NDUFAF2: variants seen among roughly 807,000 people sequenced by gnomAD.
NDUFAF2 encodes NADH dehydrogenase [ubiquinone] 1 alpha subcomplex assembly factor 2.
A neutral mutation model predicts 22.8 loss-of-function variants in NDUFAF2; 13 were observed. That is an observed-to-expected ratio of 0.57 (90% CI 0.37 to 0.91). The LOEUF is 0.91. Among genes scored for constraint, NDUFAF2 ranks in the 40% least tolerant of loss-of-function variants. NDUFAF2 has a pLI of 0.01. For synonymous variants in NDUFAF2, 53 were observed against 64.2 expected, an observed-to-expected ratio of 0.83 and a Z score of 0.84; for missense variants, 162 against 195.2, an observed-to-expected ratio of 0.83 and a Z score of 1.01.
intron 3 of NDUFAF2, among the ~76,000 whole-genome samples, chr5:61,145,257 G>A (rs1741121854): frequency 6.6e-6 from 1 of 152,062 alleles, no homozygotes; most frequent in Non-Finnish European, 1.5e-5. Context: ...CAACCTTTTG[G>A]GGGCTTAAGT....
chr5:61,101,403 C>T (rs942962268), intron 3 of NDUFAF2, among the ~76,000 whole-genome samples: 2 of 152,112 alleles, frequency 1.3e-5, no homozygotes, highest in South Asian at 2.1e-4. Context: ...TTGTCCATTT[C>T]GTAAAAACTT....
At position 61,101,485 on chromosome 5, in the gene NDUFAF2, A is replaced by G. The variant is rs573621353; in HGVS notation, c.258+2453A>G. Among the ~76,000 whole-genome samples the G allele has an allele frequency of 1.8e-3, 270 of 152,252 alleles. 3 individuals carry two copies. Among genetic ancestry groups the G allele is most frequent in the Middle Eastern group, 0.01 (3 of 294 alleles). ...CTTCCTTAGAAATTTATGTGTTAAA[A>G]TACCCAGCCCAGTTGGCCTACAGAA... On this transcript the variant is annotated intron_variant, in intron 3 of 3. Coordinates refer to ENST00000296597, the MANE Select transcript of NDUFAF2 (RefSeq NM_174889.5).
At chr5:60,991,872 G>A (rs1434799614) in intron 1 of NDUFAF2, among the ~76,000 whole-genome samples, 1 of 152,138 alleles carries the variant, frequency 6.6e-6, no homozygotes, top group African/African-American at 2.4e-5. Context: ...GGAATCTCCA[G>A]ACTGTTCTCC....
intron 3 of NDUFAF2, among the ~76,000 whole-genome samples, chr5:61,107,921 G>A (rs1426858052): frequency 6.7e-6 from 1 of 148,330 alleles, no homozygotes; most frequent in East Asian, 2.0e-4. Flanking sequence ...GCGGTGTTTG[G>A]TTTTTTGTTC....
chr5:61,037,995 T>A (rs1409058953), intron 1 of NDUFAF2, among the ~76,000 whole-genome samples: 1 of 147,956 alleles, frequency 6.8e-6, no homozygotes, highest in Non-Finnish European at 1.5e-5. Context: ...AGGAAAGACA[T>A]GACAGCATGA....
At chr5:61,054,019 C>T (rs1752057535) in intron 1 of NDUFAF2, among the ~76,000 whole-genome samples, 1 of 151,880 alleles carries the variant, frequency 6.6e-6, no homozygotes, top group African/African-American at 2.4e-5. Context: ...TGGGCAACAT[C>T]ACGAGACCCC....
At position 61,072,992 on chromosome 5, in the gene NDUFAF2, G is replaced by A. The variant is rs1341788303; in HGVS notation, c.128-133G>A. 4 of 639,750 alleles carry A rather than the reference G, an allele frequency of 6.3e-6. No individual in the cohort carries two copies. In the African/African-American group the frequency reaches 7.4e-5, roughly 12 times the overall value. The allele number at this position is 639,750 out of a possible 1,614,324, so 39.6% of individuals were successfully genotyped here. On this transcript the variant is annotated intron_variant, in intron 1 of 3. Coordinates refer to ENST00000296597, the MANE Select transcript of NDUFAF2 (RefSeq NM_174889.5). ...TTTGTAATATACCTAATTCAAAATG[G>A]AAATCTATTCTCGTTTTCCTGTTAA...
intron 2 of NDUFAF2, among the ~76,000 whole-genome samples, chr5:61,086,084 T>C (rs1254659398): frequency 6.7e-6 from 1 of 150,214 alleles, no homozygotes; most frequent in African/African-American, 2.5e-5. Context: ...ATTCCACAGC[T>C]CTCCAGCCTG....
At chr5:61,103,123 T>C (rs1218205968) in intron 3 of NDUFAF2, among the ~76,000 whole-genome samples, 1 of 152,142 alleles carries the variant, frequency 6.6e-6, no homozygotes, top group African/African-American at 2.4e-5. Context: ...GATCAATTTT[T>C]AGTCACACTT....
intron 3 of NDUFAF2, among the ~76,000 whole-genome samples, chr5:61,109,586 C>G (rs926496115): frequency 6.6e-6 from 1 of 152,018 alleles, no homozygotes; most frequent in African/African-American, 2.4e-5. Context: ...GCTTTGTGTC[C>G]CCACCCATAT....
chr5:61,099,098 A>C, intron 3 of NDUFAF2, 66 bp downstream of exon 3: 1 of 1,113,558 alleles, frequency 9.0e-7, no homozygotes, highest in South Asian at 2.0e-5. Context: ...AAGCTTCAGA[A>C]AAACTATGAT....
At chr5:60,996,793 T>C (rs1751234267) in intron 1 of NDUFAF2, among the ~76,000 whole-genome samples, 1 of 152,186 alleles carries the variant, frequency 6.6e-6, no homozygotes, top group Non-Finnish European at 1.5e-5. Context: ...TGGTCTGGCT[T>C]TCTGGTTCTA....
chr5:61,095,569 T>C (rs997284154), intron 2 of NDUFAF2, among the ~76,000 whole-genome samples: 4 of 127,950 alleles, frequency 3.1e-5, no homozygotes, highest in African/African-American at 1.1e-4. Flanking sequence ...AGAGCTGCAG[T>C]CACTATTGCC....
chr5:61,023,683 T>C (rs926254397), intron 1 of NDUFAF2, among the ~76,000 whole-genome samples: 1 of 152,206 alleles, frequency 6.6e-6, no homozygotes, highest in African/African-American at 2.4e-5. Flanking sequence ...TGTAGAGTTT[T>C]TTATGTTTTA....
In NDUFAF2 at chr5:61,112,210, T is replaced by TC. The variant is rs747064269; in HGVS notation, c.258+13187dup. On this transcript the variant is annotated intron_variant, in intron 3 of 3. Coordinates refer to ENST00000296597, the MANE Select transcript of NDUFAF2 (RefSeq NM_174889.5). ...TATCATTATATAATGACCTTCTTTA[T>TC]CCCCCCCCCTTTTTTTTTTTTTGAG... Among the ~76,000 whole-genome samples the TC allele has an allele frequency of 9.4e-3, 1,259 of 134,032 alleles. 24 individuals carry two copies. Among genetic ancestry groups the TC allele is most frequent in the African/African-American group, 0.03 (1,135 of 37,224 alleles). The allele number at this position is 134,032 out of a possible 152,430, so 87.9% of individuals were successfully genotyped here.
intron 3 of NDUFAF2, among the ~76,000 whole-genome samples, chr5:61,140,886 A>G (rs1741042373): frequency 6.6e-6 from 1 of 152,124 alleles, no homozygotes; most frequent in Non-Finnish European, 1.5e-5. Context: ...TGATTGTTTA[A>G]TACTGAAGTA....
At chr5:61,070,552 C>T (rs530145072) in intron 1 of NDUFAF2, among the ~76,000 whole-genome samples, 3 of 151,088 alleles carry the variant, frequency 2.0e-5, no homozygotes, top group Non-Finnish European at 4.4e-5. Flanking sequence ...CAGTGATTGT[C>T]CTGAAATTAA....
chr5:61,014,907 T>C (rs1311444108), intron 1 of NDUFAF2, among the ~76,000 whole-genome samples: 1 of 152,246 alleles, frequency 6.6e-6, no homozygotes, highest in Non-Finnish European at 1.5e-5. Flanking sequence ...TTATAAGTTT[T>C]AGAAAGTTGT....
chr5:61,001,194 C>T (rs1478444233), intron 1 of NDUFAF2, among the ~76,000 whole-genome samples: 1 of 152,122 alleles, frequency 6.6e-6, no homozygotes, highest in East Asian at 1.9e-4. Flanking sequence ...TATCCCACAT[C>T]CACAGCAATT....
Sources: allele counts gnomAD v4.1 joint callset (sites outside exome capture counted in the v4.1 genomes callset), GRCh38; gene constraint gnomAD v4.1.1; transcripts MANE v1.5; gene names NCBI Gene and HGNC (gene_info 2026-07-23, HGNC 2026-07-21).